Variants in MROH2B observed in about 807,000 individuals in gnomAD.
The protein encoded by MROH2B is maestro heat like repeat family member 2B, also known as maestro heat-like repeat-containing protein family member 2B.
Under a neutral mutation model 208.6 loss-of-function variants are expected in MROH2B, and 177 were observed. That is an observed-to-expected ratio of 0.85 (90% CI 0.75 to 0.96). The LOEUF is 0.96. Ranked by LOEUF, MROH2B falls within the 40% of genes least tolerant of loss-of-function variation. The pLI is 0.00. For missense variants in MROH2B, 2,002 were observed against 1,878.7 expected, an observed-to-expected ratio of 1.07 and a Z score of -1.21; for synonymous variants, 728 against 659.0, an observed-to-expected ratio of 1.10 and a Z score of -1.60.
At position 41,052,457 on chromosome 5, in the gene MROH2B, C is replaced by A. The variant is rs779148332; in HGVS notation, c.1230+8G>T. On this transcript the variant is annotated splice_region_variant and intron_variant, in intron 12 of 41. Transcript: ENST00000399564. ...AGTGCATCACTCAAAACTGTAGCCTCTGCATACCAGATTCCTGTTCAACGT... is the reference window on the plus strand; with the variant it reads ...AGTGCATCACTCAAAACTGTAGCCTATGCATACCAGATTCCTGTTCAACGT... 5.6e-6 allele frequency: 9 copies of A among 1,611,158 alleles called. No individual in the cohort carries two copies. Among genetic ancestry groups the A allele is most frequent in the Non-Finnish European group, 6.8e-6 (8 of 1,178,352 alleles).
intron 15 of MROH2B, 27 bp downstream of exon 15, chr5:41,049,074 T>C: frequency 6.3e-7 from 1 of 1,577,208 alleles, no homozygotes; most frequent in South Asian, 1.2e-5. Context: ...AAATTTGTTC[T>C]ACTTTGGTTC....
chr5:41,001,904 G>A (rs1481387334), intron 37 of MROH2B, among the ~76,000 whole-genome samples: 1 of 151,820 alleles, frequency 6.6e-6, no homozygotes, highest in Admixed American at 6.6e-5. Flanking sequence ...TGAACAAAAA[G>A]GGATTAAAGA....
intron 9 of MROH2B, 183 bp downstream of exon 9, chr5:41,056,926 T>G: frequency 1.5e-6 from 1 of 657,920 alleles, no homozygotes. Context: ...ATTCTTCCCG[T>G]CCTGCTCCTC....
In MROH2B at chr5:41,057,149, C is replaced by T. The variant is rs772775000; in HGVS notation, c.879G>A (p.Lys293=). 6.2e-7 allele frequency: 1 copy of T among 1,613,936 alleles called. No individual in the cohort carries two copies. Residue 293 remains lysine (K), a synonymous_variant, in exon 9 of 42, where the codon AAG becomes AAA. Coordinates refer to ENST00000399564, the MANE Select transcript of MROH2B (RefSeq NM_173489.5). ...QICRAPEPPV[K]ENEMKASSCF... is the part of the protein sequence containing the mutation. ...AGCTTGAAGCTTTCATTTCATTTTC[C>T]TTTACTGGAGGCTCTGGAGCTCTGC...
Position 41,070,807 on chromosome 5 carries a change from G to A in MROH2B, c.28+18C>T, listed in dbSNP as rs1743965581. 1 of 1,608,804 alleles carries A rather than the reference G, an allele frequency of 6.2e-7. No individual in the cohort carries two copies. Among genetic ancestry groups the A allele is most frequent in the African/African-American group, 1.3e-5 (1 of 74,918 alleles). ...CACAGGGAAGAGCCTTGGCTTCTCA[G>A]GATCTGATGATGCTTACCTATGGAT... is the stretch of plus-strand genomic sequence containing the variant. On this transcript the variant is annotated intron_variant, in intron 1 of 41. Transcript: ENST00000399564.
rs1349376788 is a variant in MROH2B at position 41,033,024 on chromosome 5, C to T, written c.2361+17G>A. ...GGAATACTCAGGGCCTTTCTTATTC[C>T]CTCTCTGCACACTCACCAGCATGTA... On this transcript the variant is annotated intron_variant, in intron 23 of 41. Coordinates refer to ENST00000399564, the MANE Select transcript of MROH2B (RefSeq NM_173489.5). The T allele has an allele frequency of 2.5e-6, 4 of 1,612,334 alleles. No homozygotes were observed. The African/African-American group carries it at 4.0e-5, about 16-fold the overall frequency.
chr5:41,032,550 C>CA (rs1371317651), intron 24 of MROH2B, among the ~76,000 whole-genome samples, 192 bp downstream of exon 24: 2 of 152,016 alleles, frequency 1.3e-5, no homozygotes, highest in Non-Finnish European at 2.9e-5. Flanking sequence ...TGTCAGTCAT[C>CA]AAATGACCAA....
chr5:41,039,665 T>C (rs1742882504), intron 19 of MROH2B, 110 bp from the exon 20 acceptor site: 1 of 699,104 alleles, frequency 1.4e-6, no homozygotes, highest in African/African-American at 1.8e-5. Context: ...GGGGGTACAG[T>C]AGTTTGCAGA....
Position 41,015,430 on chromosome 5 carries a change from T to C in MROH2B, c.2933A>G (p.Glu978Gly). ...GATCTGAACCTGCACGTCATCACTT[T>C]CCAGCCCTTCCTGCAAACCCTGCAG... ...ERLQGLQEGL[E>G]SDDVQVQIKI... Residue 978 changes from glutamate to glycine, a missense_variant, in exon 29 of 42, where the codon GAA (glutamate) becomes GGA (glycine). By Grantham distance (98) the Glu-to-Gly change is moderately conservative (BLOSUM62 -2). Coordinates refer to ENST00000399564, the MANE Select transcript of MROH2B (RefSeq NM_173489.5). 6.2e-7 allele frequency: 1 copy of C among 1,613,680 alleles called. No individual in the cohort carries two copies. The highest frequency in any genetic ancestry group is 1.1e-5 in the South Asian group (1 of 91,024).
chr5:41,022,363 T>C (rs1375408712), intron 24 of MROH2B, among the ~76,000 whole-genome samples: 1 of 152,152 alleles, frequency 6.6e-6, no homozygotes, highest in East Asian at 1.9e-4. Flanking sequence ...ATACTGTGCT[T>C]TTCGCATGGT....
chr5:41,064,559 T>A lies in MROH2B; in HGVS notation c.373A>T (p.Ile125Phe). 1 of 1,613,118 alleles carries A rather than the reference T, an allele frequency of 6.2e-7. No individual in the cohort carries two copies. Among genetic ancestry groups the A allele is most frequent in the Non-Finnish European group, 8.5e-7 (1 of 1,179,406 alleles). The change falls in exon 5 of 42, where the codon ATT becomes TTT. Residue 125 changes from isoleucine (I) to phenylalanine (F), a missense_variant. Physicochemically the swap from Ile to Phe is conservative, Grantham distance 21. Coordinates refer to ENST00000399564, the MANE Select transcript of MROH2B (RefSeq NM_173489.5). The stretch of plus-strand genomic sequence containing the variant: ...AGCAGGGTCATCATCATGAAAGGAA[T>A]ACTCTGGGACACTGGAGGGAGAGGC... Reference protein sequence around the residue: ...ELATSYVSQSIPFMMMTLLTM... With the variant: ...ELATSYVSQSFPFMMMTLLTM...
intron 17 of MROH2B, among the ~76,000 whole-genome samples, chr5:41,047,428 G>A (rs1455720212): frequency 6.6e-6 from 1 of 152,130 alleles, no homozygotes; most frequent in East Asian, 1.9e-4. Flanking sequence ...GTTGCAAGAA[G>A]TAAAAACTTG....
In MROH2B at chr5:41,009,397, CTT is replaced by C; in HGVS notation, c.3301_3302del (p.Lys1101AspfsTer8). Reference sequence around the variant, plus strand: ...TTTCAGCCAGCGCCTTCCACAATGTCTTTGTGTCCCTAGGGTGGCAAAGCAGG... The same window carrying C: ...TTTCAGCCAGCGCCTTCCACAATGTCTGTGTCCCTAGGGTGGCAAAGCAGG... ...QKPLPFDRDT[K>X]TLWKALAEKP... On this transcript the variant is annotated frameshift_variant, in exon 32 of 42. Coordinates refer to ENST00000399564, the MANE Select transcript of MROH2B (RefSeq NM_173489.5). LOFTEE classifies it high-confidence loss of function. The C allele has an allele frequency of 6.2e-7, 1 of 1,613,718 alleles. No individual in the cohort carries two copies. The highest frequency in any genetic ancestry group is 8.5e-7 in the Non-Finnish European group (1 of 1,179,762).
chr5:41,057,017 AAGTT>A, intron 9 of MROH2B, 88 bp downstream of exon 9: 1 of 1,239,462 alleles, frequency 8.1e-7, no homozygotes, highest in Non-Finnish European at 1.2e-6. Context: ...GTGTGAAAGT[AAGTT>A]AATGTGACAG....
At chr5:41,053,666 G>T (rs1300569336) in intron 11 of MROH2B, among the ~76,000 whole-genome samples, 1 of 152,046 alleles carries the variant, frequency 6.6e-6, no homozygotes, top group Non-Finnish European at 1.5e-5. Flanking sequence ...CTCTATTTTT[G>T]CCTGGGGAGT....
chr5:41,054,904 G>T, intron 10 of MROH2B, 64 bp from the exon 11 acceptor site: 2 of 1,164,788 alleles, frequency 1.7e-6, no homozygotes, highest in South Asian at 3.1e-5. Flanking sequence ...TTCTAGGATT[G>T]ATGAAAAGCT....
chr5:41,042,186 C>T lies in MROH2B; in HGVS notation c.1859G>A (p.Gly620Glu). Residue 620 changes from glycine (G) to glutamate (E), a missense_variant, in exon 19 of 42, where the codon GGA (glycine) becomes GAA (glutamate). Gly to Glu is a moderately conservative substitution (Grantham distance 98). Transcript: ENST00000399564. The part of the protein sequence containing the change: ...TEKKFLWKAL[G>E]TTLACCQDSD... The stretch of plus-strand genomic sequence containing the variant: ...ATCTTGGCAGCATGCTAAGGTGGTT[C>T]CCAAGGCTTTCCAAAGGAATTTCTG... The T allele has an allele frequency of 1.3e-6, 2 of 1,577,822 alleles. No individual in the cohort carries two copies. The highest frequency in any genetic ancestry group is 1.7e-6 in the Non-Finnish European group (2 of 1,159,500).
chr5:41,069,637 T>C, intron 2 of MROH2B, 54 bp downstream of exon 2: 2 of 1,358,502 alleles, frequency 1.5e-6, no homozygotes, highest in Non-Finnish European at 2.1e-6. Context: ...ATATACGAAA[T>C]GTTGCAACAA....
At position 41,058,058 on chromosome 5, in the gene MROH2B, C is replaced by T. The variant is rs1743516759; in HGVS notation, c.756+5G>A. 3.2e-6 allele frequency: 5 copies of T among 1,577,924 alleles called. No homozygotes were observed. Among genetic ancestry groups the T allele is most frequent in the Non-Finnish European group, 4.3e-6 (5 of 1,161,444 alleles). On this transcript the variant is annotated splice_donor_5th_base_variant and intron_variant, in intron 7 of 41. Coordinates refer to ENST00000399564, the MANE Select transcript of MROH2B (RefSeq NM_173489.5). ...GATTCAGTTCCTTTAGGGTATGGCT[C>T]TTACCTGAGTGACATGGAAATCAAT...
Sources: gnomAD v4.1 joint callset for allele counts (sites outside exome capture counted in the v4.1 genomes callset) on GRCh38, gnomAD v4.1.1 for gene constraint, MANE v1.5 for transcripts, NCBI Gene and HGNC (gene_info 2026-07-23, HGNC 2026-07-21) for gene names.